Variants in GATAD2A observed in about 807,000 individuals in gnomAD.
GATAD2A encodes transcriptional repressor p66-alpha.
A neutral mutation model predicts 68.5 loss-of-function variants in GATAD2A; 12 were observed. The observed-to-expected ratio is 0.18, with a 90% confidence interval of 0.11 to 0.28. GATAD2A has a LOEUF of 0.28. Among genes scored for constraint, GATAD2A ranks in the 10% least tolerant of loss-of-function variants. GATAD2A has a pLI of 1.00. For missense variants in GATAD2A, 755 were observed against 868.5 expected (o/e 0.87, Z 1.64); for synonymous variants, 410 against 375.3 (o/e 1.09, Z -1.07).
intron 1 of GATAD2A, chr19:19,435,062 T>A (rs1376639692): frequency 1.9e-6 from 1 of 530,834 alleles, no homozygotes; most frequent in Non-Finnish European, 3.9e-6. Flanking sequence ...CTGTGTGCTC[T>A]GTGACCCTGG....
intron 2 of GATAD2A, among the ~76,000 whole-genome samples, chr19:19,487,374 TCAGA>T (rs1341747321): frequency 2.0e-5 from 3 of 151,706 alleles, no homozygotes; most frequent in Non-Finnish European, 2.9e-5. Context: ...AACCTGCTTG[TCAGA>T]CAGGTGCTGA....
Position 19,496,113 on chromosome 19 carries a change from G to T in GATAD2A, c.818G>T (p.Arg273Leu), listed in dbSNP as rs368175791. The change falls in exon 7 of 12, where the codon CGG (arginine) becomes CTG (leucine). Residue 273 changes from arginine to leucine, a missense_variant. By Grantham distance (102) the Arg-to-Leu change is moderately radical. Coordinates refer to ENST00000683918, the MANE Select transcript of GATAD2A (RefSeq NM_001384528.1). ...TGPPPLLLAP[R>L]ASVPSVQIQG... ...CCACCGCCCCTCCTCCTGGCCCCCC[G>T]GGCGTCGGTGCCCAGTGTGCAGATT... is the stretch of plus-strand genomic sequence containing the variant. The T allele has an allele frequency of 6.2e-7, 1 of 1,613,548 alleles. No homozygotes were observed. Among genetic ancestry groups the T allele is most frequent in the East Asian group, 2.2e-5 (1 of 44,882 alleles).
chr19:19,432,100 C>T (rs1338285586), intron 1 of GATAD2A, among the ~76,000 whole-genome samples: 2 of 152,224 alleles, frequency 1.3e-5, no homozygotes, highest in Non-Finnish European at 2.9e-5. Flanking sequence ...CTCAGCCTCC[C>T]GAGCAGCTGG....
intron 2 of GATAD2A, chr19:19,474,088 CTGTGCCAAAA>C: frequency 1.0e-6 from 1 of 985,178 alleles, no homozygotes; most frequent in South Asian, 4.7e-5. Flanking sequence ...TTGTTTTGTT[CTGTGCCAAAA>C]TGGGGCCAGC....
At chr19:19,504,072 T>C (rs1027531115) in intron 11 of GATAD2A, among the ~76,000 whole-genome samples, 1 of 152,072 alleles carries the variant, frequency 6.6e-6, no homozygotes, top group African/African-American at 2.4e-5. Context: ...GCACATGGCA[T>C]GTGTCTGTGG....
At chr19:19,492,534 C>T in intron 3 of GATAD2A, 47 bp from the exon 4 acceptor site, 1 of 1,612,208 alleles carries the variant, frequency 6.2e-7, no homozygotes, top group Non-Finnish European at 8.5e-7. Flanking sequence ...GCCTCTGCTC[C>T]TCACCAAGGA....
rs983355030 is a variant in GATAD2A, at chr19:19,506,329, G to A, written c.*855G>A. ...TAAGGGAGAAGGAGAGGATCCGGTC[G>A]GCAGCAGCCCTGAGCAGAAAGCTGG... On this transcript the variant is annotated 3_prime_UTR_variant, in exon 12 of 12. Coordinates refer to ENST00000683918, the MANE Select transcript of GATAD2A (RefSeq NM_001384528.1). 1.1e-4 allele frequency: 44 copies of A among 397,616 alleles called. No individual in the cohort carries two copies. Among genetic ancestry groups the A allele is most frequent in the African/African-American group, 7.2e-4 (35 of 48,744 alleles). 24.6% of individuals were successfully genotyped at this position (397,616 alleles called of 1,614,324 possible).
upstream of GATAD2A, among the ~76,000 whole-genome samples, chr19:19,405,446 C>T (rs2050104043): frequency 6.6e-6 from 1 of 152,216 alleles, no homozygotes; most frequent in Non-Finnish European, 1.5e-5. Flanking sequence ...GGCCACGACC[C>T]TTCGGCCTGC....
intron 4 of GATAD2A, 92 bp from the exon 5 acceptor site, chr19:19,494,202 C>A (rs954620995): frequency 1.6e-4 from 106 of 664,776 alleles, no homozygotes; most frequent in Admixed American, 1.1e-3. Context: ...GACAGTCAGT[C>A]CTCTTCGGCA....
upstream of GATAD2A, among the ~76,000 whole-genome samples, chr19:19,404,573 T>G (rs1002125157): frequency 6.6e-6 from 1 of 151,846 alleles, no homozygotes; most frequent in Non-Finnish European, 1.5e-5. Context: ...TCCCAGCTAC[T>G]GGGGAGGCTG....
Position 19,415,618 on chromosome 19 carries a change from AT to A in GATAD2A, c.-7+9619del, listed in dbSNP as rs71170682. Among the ~76,000 whole-genome samples the A allele has an allele frequency of 2.1e-3, 251 of 118,016 alleles. 3 individuals are homozygous for A. Among genetic ancestry groups the A allele is most frequent in the South Asian group, 0.02 (72 of 3,584 alleles). 77.4% of individuals were successfully genotyped at this position (118,016 alleles called of 152,430 possible). Reference sequence around the variant, plus strand: ...GCGTGCGCCACCATGCCGGGCTAATATTTTTTTTTTTTTTTTTTTTGAGACA... The same window carrying A: ...GCGTGCGCCACCATGCCGGGCTAATATTTTTTTTTTTTTTTTTTTGAGACA... On this transcript the variant is annotated intron_variant, in intron 1 of 11. Coordinates refer to ENST00000683918, the MANE Select transcript of GATAD2A (RefSeq NM_001384528.1).
intron 8 of GATAD2A, among the ~76,000 whole-genome samples, chr19:19,499,510 GT>G (rs1037704124): frequency 3.0e-4 from 45 of 151,988 alleles, no homozygotes; most frequent in Admixed American, 1.0e-3. Context: ...AGCGGGGTGG[GT>G]GTGTGCAGAG....
intron 1 of GATAD2A, among the ~76,000 whole-genome samples, chr19:19,425,061 C>T (rs1292494522): frequency 9.0e-6 from 1 of 110,846 alleles, no homozygotes; most frequent in African/African-American, 3.2e-5. Context: ...GCCTGTGCAA[C>T]AATAAAAAAA....
chr19:19,484,546 T>TC (rs1568326558), intron 2 of GATAD2A, among the ~76,000 whole-genome samples: 1 of 146,474 alleles, frequency 6.8e-6, no homozygotes, highest in Non-Finnish European at 1.5e-5. Context: ...TTTTTTTTTT[T>TC]TTTTGAGACG....
intron 2 of GATAD2A, among the ~76,000 whole-genome samples, chr19:19,483,750 G>T (rs2059218363): frequency 6.6e-6 from 1 of 151,694 alleles, no homozygotes; most frequent in Admixed American, 6.6e-5. Flanking sequence ...GAGTAGCTGG[G>T]ACTACAGGTG....
In GATAD2A at chr19:19,506,183, C is replaced by T; in HGVS notation, c.*709C>T. On this transcript the variant is annotated 3_prime_UTR_variant, in exon 12 of 12. Coordinates refer to ENST00000683918, the MANE Select transcript of GATAD2A (RefSeq NM_001384528.1). Reference sequence around the variant, plus strand: ...ATGGCCGAGGCAGCCCTCGCTCCAGCTGAACGCCTCCATTGCTGCTTGTTC... The same window carrying T: ...ATGGCCGAGGCAGCCCTCGCTCCAGTTGAACGCCTCCATTGCTGCTTGTTC... The T allele has an allele frequency of 2.5e-6, 1 of 398,816 alleles. No individual in the cohort carries two copies. 24.7% of individuals were successfully genotyped at this position (398,816 alleles called of 1,614,324 possible).
chr19:19,487,474 TA>T (rs1410825877), intron 2 of GATAD2A, among the ~76,000 whole-genome samples: 1 of 148,788 alleles, frequency 6.7e-6, no homozygotes, highest in Non-Finnish European at 1.5e-5. Flanking sequence ...CAAAGGCACT[TA>T]GATGGGCTTG....
intron 2 of GATAD2A, among the ~76,000 whole-genome samples, chr19:19,485,530 C>CGTG (rs1183280012): frequency 3.3e-5 from 5 of 152,188 alleles, no homozygotes; most frequent in African/African-American, 1.2e-4. Flanking sequence ...CCTCTGATCC[C>CGTG]GTGGTGGTTT....
chr19:19,469,216 G>T (rs1292874186), intron 2 of GATAD2A, among the ~76,000 whole-genome samples: 7 of 152,104 alleles, frequency 4.6e-5, no homozygotes, highest in African/African-American at 1.4e-4. Context: ...TGGATCACAA[G>T]GTCAGGAGAC....
Sources: gnomAD v4.1 joint callset for allele counts (sites outside exome capture counted in the v4.1 genomes callset) on GRCh38, gnomAD v4.1.1 for gene constraint, MANE v1.5 for transcripts, NCBI Gene and HGNC (gene_info 2026-07-23, HGNC 2026-07-21) for gene names.